Variants in ANKFY1 observed in about 807,000 individuals in gnomAD.
The protein encoded by ANKFY1 is ankyrin repeat and FYVE domain-containing protein 1.
In ANKFY1, 47 loss-of-function variants were observed where a neutral mutation model predicts 128.3. That is an observed-to-expected ratio of 0.37 (90% CI 0.29 to 0.47). The LOEUF (loss-of-function observed/expected upper bound fraction) is 0.47. Among genes scored for constraint, ANKFY1 ranks in the 20% least tolerant of loss-of-function variants. ANKFY1 has a pLI of 1.00. For synonymous variants in ANKFY1, 553 were observed against 601.6 expected (o/e 0.92, Z 1.18); for missense variants, 1,222 against 1,510.6 (o/e 0.81, Z 3.17).
intron 11 of ANKFY1, chr17:4,186,698 C>T (rs2059617861): frequency 2.0e-6 from 1 of 503,998 alleles, no homozygotes; most frequent in Non-Finnish European, 2.6e-6. Context: ...CCTCCTCCTC[C>T]CCTGCTCCTC....
In ANKFY1 at chr17:4,178,540, C is replaced by A; in HGVS notation, c.2598+317G>T. The stretch of plus-strand genomic sequence containing the variant: ...AACACAAGCTCTTTCAAAGACACTC[C>A]TCACTAGGACAGTTAACCAACCTAG... On this transcript the variant is annotated intron_variant, in intron 18 of 24. Coordinates refer to ENST00000341657, the MANE Select transcript of ANKFY1 (RefSeq NM_001330063.2). The surrounding 1 kb of genome is among the most constrained non-coding windows in gnomAD (Gnocchi z 4.1). 1 of 356,126 alleles carries A rather than the reference C, an allele frequency of 2.8e-6. No homozygotes were observed. Among genetic ancestry groups the A allele is most frequent in the South Asian group, 3.3e-5 (1 of 30,438 alleles). The allele number at this position is 356,126 out of a possible 1,614,324, so 22.1% of individuals were successfully genotyped here. A position where few individuals can be genotyped will look rare whatever the true frequency, so the allele number is the denominator to read the frequency against.
intron 7 of ANKFY1, among the ~76,000 whole-genome samples, chr17:4,200,662 C>G (rs941026736): frequency 6.6e-6 from 1 of 152,128 alleles, no homozygotes; most frequent in Non-Finnish European, 1.5e-5. Context: ...GGTGACCTTG[C>G]GATGAATGCT....
At chr17:4,253,842 G>A (rs1019677432) in intron 1 of ANKFY1, among the ~76,000 whole-genome samples, 2 of 152,016 alleles carry the variant, frequency 1.3e-5, no homozygotes, top group Non-Finnish European at 2.9e-5. Context: ...TAAACTACAC[G>A]ACTTTACCTA....
chr17:4,241,069 A>G (rs918407741), intron 2 of ANKFY1, among the ~76,000 whole-genome samples: 1 of 152,174 alleles, frequency 6.6e-6, no homozygotes, highest in Non-Finnish European at 1.5e-5. Context: ...TTAAAAAGAA[A>G]AACGACAGCT....
intron 1 of ANKFY1, among the ~76,000 whole-genome samples, chr17:4,258,243 G>C (rs1421295211): frequency 6.6e-6 from 1 of 152,088 alleles, no homozygotes; most frequent in African/African-American, 2.4e-5. Context: ...TTCAGAAGTA[G>C]GGCCGGGCGC....
At chr17:4,237,144 A>C (rs1452954561) in intron 2 of ANKFY1, among the ~76,000 whole-genome samples, 1 of 152,148 alleles carries the variant, frequency 6.6e-6, no homozygotes, top group African/African-American at 2.4e-5. Context: ...TCAAAAAAAA[A>C]AGAGGAAACC....
intron 4 of ANKFY1, 152 bp from the exon 5 acceptor site, chr17:4,210,099 G>T: frequency 1.8e-6 from 1 of 552,646 alleles, no homozygotes; most frequent in South Asian, 3.6e-5. Context: ...AATTACAGTT[G>T]GTCTCCCATA....
At chr17:4,209,293 C>G (rs1311104633) in intron 5 of ANKFY1, among the ~76,000 whole-genome samples, 1 of 152,144 alleles carries the variant, frequency 6.6e-6, no homozygotes, top group East Asian at 1.9e-4. Flanking sequence ...GTTTCTGGAC[C>G]TCAGCTATCT....
At position 4,197,514 on chromosome 17, in the gene ANKFY1, C is replaced by T. The variant is rs2059847371; in HGVS notation, c.962G>A (p.Gly321Asp). The T allele has an allele frequency of 6.2e-7, 1 of 1,614,124 alleles. No individual in the cohort carries two copies. Among genetic ancestry groups the T allele is most frequent in the East Asian group, 2.2e-5 (1 of 44,882 alleles). Reference sequence around the variant, plus strand: ...AAGGTGCAGTGGTGTCTCCTGGGCACCCAGTGTAGCAGCGTTGACAAAGGC... The same window carrying T: ...AAGGTGCAGTGGTGTCTCCTGGGCATCCAGTGTAGCAGCGTTGACAAAGGC... ...NGAFVNAATL[G>D]AQETPLHLVA... Residue 321 changes from glycine (G) to aspartate (D), a missense_variant, in exon 8 of 25, where the codon GGT becomes GAT. Coordinates refer to ENST00000341657, the MANE Select transcript of ANKFY1 (RefSeq NM_001330063.2).
At chr17:4,260,618 CAAAAAAAAAAAAA>C (rs60030304) in intron 1 of ANKFY1, among the ~76,000 whole-genome samples, 9 of 65,106 alleles carry the variant, frequency 1.4e-4, no homozygotes, top group African/African-American at 2.0e-4. Context: ...ATCCTGTCTC[CAAAAAAAAAAAAA>C]AAAAAAAAAA....
chr17:4,224,374 C>T (rs753323376), intron 3 of ANKFY1, among the ~76,000 whole-genome samples: 2 of 152,010 alleles, frequency 1.3e-5, no homozygotes, highest in Non-Finnish European at 2.9e-5. Flanking sequence ...AGGTGCGCAC[C>T]ACCACGCCCG....
chr17:4,177,356 G>A, intron 18 of ANKFY1, 54 bp from the exon 19 acceptor site: 1 of 1,485,988 alleles, frequency 6.7e-7, no homozygotes, highest in Non-Finnish European at 9.1e-7. Context: ...AGTACCTCCT[G>A]AGCTTCATCT....
At chr17:4,247,437 T>G (rs904859290) in intron 1 of ANKFY1, among the ~76,000 whole-genome samples, 16 of 152,148 alleles carry the variant, frequency 1.1e-4, no homozygotes, top group Admixed American at 3.3e-4. Flanking sequence ...TAGCATGATT[T>G]GGGGCTCTTA....
intron 14 of ANKFY1, 125 bp from the exon 15 acceptor site, chr17:4,182,474 T>C (rs2059533550): frequency 2.8e-6 from 2 of 714,810 alleles, no homozygotes; most frequent in East Asian, 6.2e-5. Flanking sequence ...AATCATTCAA[T>C]ATTTTCTCAG....
chr17:4,233,757 T>C (rs1457730425), intron 3 of ANKFY1, among the ~76,000 whole-genome samples: 1 of 152,242 alleles, frequency 6.6e-6, no homozygotes, highest in Non-Finnish European at 1.5e-5. Context: ...TGGTCTGAAA[T>C]GATTTGTGAA....
Position 4,173,359 on chromosome 17 carries a change from A to G in ANKFY1, c.3009T>C (p.Asn1003=), listed in dbSNP as rs931986654. The G allele has an allele frequency of 6.2e-7, 1 of 1,614,132 alleles. No individual in the cohort carries two copies. The highest frequency in any genetic ancestry group is 1.7e-5 in the Admixed American group (1 of 60,022). Residue 1003 remains asparagine (N), a synonymous_variant, in exon 21 of 25, where the codon AAT becomes AAC. Coordinates refer to ENST00000341657, the MANE Select transcript of ANKFY1 (RefSeq NM_001330063.2). ...CTCGGGCCCAACGCGCTCACCTGAG[A>G]TTAAAGGCTTCGGCGTCCACTGTGC... ...TECTVDAEAF[N]LRGQSPLHIL... is the part of the protein sequence containing the mutation.
In ANKFY1 at chr17:4,217,115, G is replaced by T; in HGVS notation, c.326C>A (p.Ala109Asp). 6.2e-7 allele frequency: 1 copy of T among 1,609,408 alleles called. No individual in the cohort carries two copies. The highest frequency in any genetic ancestry group is 8.5e-7 in the Non-Finnish European group (1 of 1,177,198). The part of the protein sequence containing the change: ...SSTKELDLSD[A>D]NPEVTMTMLR... ...CATTGTCATCGTCACCTCAGGATTA[G>T]CATCTGGTTAAAGAAAGAGAGAACA... Residue 109 changes from alanine to aspartate, a missense_variant, in exon 4 of 25, where the codon GCT (alanine) becomes GAT (aspartate). Physicochemically the swap from Ala to Asp is moderately radical, Grantham distance 126 (BLOSUM62 -2). Coordinates refer to ENST00000341657, the MANE Select transcript of ANKFY1 (RefSeq NM_001330063.2).
intron 1 of ANKFY1, 116 bp downstream of exon 1, chr17:4,263,816 C>T: frequency 6.2e-7 from 1 of 1,607,710 alleles, no homozygotes; most frequent in East Asian, 2.2e-5. Context: ...GCTCGCGAGA[C>T]CCGCGGAGCC....
rs114572712 is a variant in ANKFY1, at chr17:4,201,381, G to T, written c.899-3804C>A. On this transcript the variant is annotated intron_variant, in intron 7 of 24. Transcript: ENST00000341657. Reference sequence around the variant, plus strand: ...CCATCTGCTCTATGCTTTCTTCCAAGAGACCATCTTGCTAGAGAATGTGGG... The same window carrying T: ...CCATCTGCTCTATGCTTTCTTCCAATAGACCATCTTGCTAGAGAATGTGGG... Among the ~76,000 whole-genome samples the T allele has an allele frequency of 5.3e-3, 808 of 152,148 alleles. 5 individuals are homozygous for T. Among genetic ancestry groups the T allele is most frequent in the African/African-American group, 0.018 (761 of 41,490 alleles).
Sources: allele counts gnomAD v4.1 joint callset (sites outside exome capture counted in the v4.1 genomes callset), GRCh38; gene constraint gnomAD v4.1.1; non-coding constraint Gnocchi (gnomAD v3.1); transcripts MANE v1.5; gene names NCBI Gene and HGNC (gene_info 2026-07-23, HGNC 2026-07-21).